Variants in KIF26B observed in about 807,000 individuals in gnomAD.
The protein encoded by KIF26B is kinesin-like protein KIF26B.
A neutral mutation model predicts 151.2 loss-of-function variants in KIF26B; 63 were observed. The observed-to-expected ratio is 0.42, with a 90% confidence interval of 0.34 to 0.51. The LOEUF (loss-of-function observed/expected upper bound fraction) is 0.51. KIF26B is among the 20% of genes least tolerant of loss of function. The probability of loss-of-function intolerance (pLI) is 0.07; values close to 1 mark genes in which losing one functional copy is unlikely to be tolerated. For missense variants in KIF26B, 2,813 were observed against 2,913.6 expected, an observed-to-expected ratio of 0.97 and a Z score of 0.79; for synonymous variants, 1,357 against 1,262.1, an observed-to-expected ratio of 1.08 and a Z score of -1.59.
chr1:245,565,490 A>G (rs1450017910), intron 5 of KIF26B, among the ~76,000 whole-genome samples: 2 of 152,034 alleles, frequency 1.3e-5, no homozygotes, highest in Non-Finnish European at 2.9e-5. Flanking sequence ...GGGTCTCACT[A>G]CGTTGGCCAG....
At position 245,367,418 on chromosome 1, in the gene KIF26B, G is replaced by A. The variant is rs547845342; in HGVS notation, c.999+51G>A. 34 of 1,482,592 alleles carry A rather than the reference G, an allele frequency of 2.3e-5. No homozygotes were observed. The highest frequency in any genetic ancestry group is 4.2e-5 in the Admixed American group (2 of 48,112). 91.8% of individuals were successfully genotyped at this position (1,482,592 alleles called of 1,614,324 possible). On this transcript the variant is annotated intron_variant, in intron 3 of 14. Coordinates refer to ENST00000407071, the MANE Select transcript of KIF26B (RefSeq NM_018012.4). This position sits in a 1 kb window ranked among gnomAD's most constrained non-coding sequence, Gnocchi z 4.2. The stretch of plus-strand genomic sequence containing the variant: ...GAGCAGGGCTGGCTGGAGTCAAAGC[G>A]GAGAAGTAGGCAGCACTTCCTTCCG...
chr1:245,641,852 C>T (rs1177445107), intron 9 of KIF26B, among the ~76,000 whole-genome samples: 1 of 152,082 alleles, frequency 6.6e-6, no homozygotes, highest in African/African-American at 2.4e-5. Context: ...CATCATATTT[C>T]CCTGAATGTT....
At chr1:245,163,898 C>T (rs1263816502) in intron 2 of KIF26B, among the ~76,000 whole-genome samples, 1 of 152,098 alleles carries the variant, frequency 6.6e-6, no homozygotes, top group African/African-American at 2.4e-5. Context: ...AATTGGTACT[C>T]TTGGATTTTC....
intron 2 of KIF26B, among the ~76,000 whole-genome samples, chr1:245,342,003 A>G (rs947879161): frequency 6.6e-6 from 1 of 152,244 alleles, no homozygotes; most frequent in African/African-American, 2.4e-5. Flanking sequence ...TTCTCAGACC[A>G]CATACCAAGT....
intron 5 of KIF26B, among the ~76,000 whole-genome samples, chr1:245,550,424 C>T (rs1361446192): frequency 1.3e-5 from 2 of 152,242 alleles, no homozygotes; most frequent in Non-Finnish European, 2.9e-5. Flanking sequence ...TTGCCTGCTC[C>T]GTCCTGGCTG....
intron 3 of KIF26B, among the ~76,000 whole-genome samples, chr1:245,410,406 A>T (rs1211074951): frequency 6.6e-6 from 1 of 152,208 alleles, no homozygotes; most frequent in Admixed American, 6.5e-5. Flanking sequence ...CACGTGGAAC[A>T]AGTTGAGAAC....
chr1:245,703,973 C>A lies in KIF26B; in HGVS notation c.*1367C>A, dbSNP rs1377122349. 6.6e-6 allele frequency: 1 copy of A among 152,260 alleles called. No individual in the cohort carries two copies. Among genetic ancestry groups the A allele is most frequent in the Non-Finnish European group, 1.5e-5 (1 of 68,056 alleles). 9.4% of individuals were successfully genotyped at this position (152,260 alleles called of 1,614,324 possible). A position where few individuals can be genotyped will look rare whatever the true frequency, so the allele number is the denominator to read the frequency against. On this transcript the variant is annotated 3_prime_UTR_variant, in exon 15 of 15. Coordinates refer to ENST00000407071, the MANE Select transcript of KIF26B (RefSeq NM_018012.4). ...AGCTGAAGACTATGGATGTCCAGGT[C>A]TTGGCTCCCAACAACTCAGGACCTC...
chr1:245,438,705 A>G (rs1658991919), intron 4 of KIF26B, among the ~76,000 whole-genome samples: 1 of 152,188 alleles, frequency 6.6e-6, no homozygotes, highest in Non-Finnish European at 1.5e-5. Context: ...TCAGTGAGAT[A>G]CTCTTCAGAA....
At chr1:245,283,081 A>AG (rs1671092365) in intron 2 of KIF26B, 2 of 170,544 alleles carry the variant, frequency 1.2e-5, no homozygotes, top group African/African-American at 4.8e-5. Flanking sequence ...GCTACCACCT[A>AG]CTAGCCATGG....
chr1:245,424,773 G>T (rs548906727), intron 4 of KIF26B, among the ~76,000 whole-genome samples: 2 of 148,244 alleles, frequency 1.3e-5, no homozygotes, highest in Non-Finnish European at 3.0e-5. Context: ...AGAAGTAAAA[G>T]AAAAATTGGT....
chr1:245,499,940 T>G (rs1660586931), intron 4 of KIF26B, among the ~76,000 whole-genome samples: 2 of 152,236 alleles, frequency 1.3e-5, no homozygotes, highest in African/African-American at 4.8e-5. Context: ...AGGAATTTGC[T>G]GAGGGTTGGG....
Position 245,155,317 on chromosome 1 carries a change from G to A in KIF26B, c.-108G>A. The A allele has an allele frequency of 2.3e-6, 2 of 876,072 alleles. No individual in the cohort carries two copies. Among genetic ancestry groups the A allele is most frequent in the Admixed American group, 2.3e-5 (1 of 42,616 alleles). The allele number at this position is 876,072 out of a possible 1,614,324, so 54.3% of individuals were successfully genotyped here. On this transcript the variant is annotated 5_prime_UTR_variant, in exon 1 of 15. Transcript: ENST00000407071. Reference sequence around the variant, plus strand: ...CCCACCGCTGAAGAAACCTTGCCCTGAGGGCTGAGAGCCAGCCCCCTGCAG... The same window carrying A: ...CCCACCGCTGAAGAAACCTTGCCCTAAGGGCTGAGAGCCAGCCCCCTGCAG...
chr1:245,234,626 A>G (rs1670068977), intron 2 of KIF26B: 1 of 152,452 alleles, frequency 6.6e-6, no homozygotes, highest in South Asian at 2.1e-4. Context: ...TGGGCCCGCA[A>G]TTTGGCCTCC....
rs574749958 is a variant in KIF26B, at chr1:245,558,407, C to G, written c.1350+17457C>G. ...TCTCACCTTCGGGCCTTTGACCTGC[C>G]CGGGCAGGGCCCTCCCCATCTTCCT... On this transcript the variant is annotated intron_variant, in intron 5 of 14. Transcript: ENST00000407071. 7.2e-5 allele frequency among the ~76,000 whole-genome samples: 11 copies of G among 152,324 alleles called. No homozygotes were observed. In the South Asian group the frequency reaches 2.1e-3, roughly 29 times the overall value.
chr1:245,698,983 C>T lies in KIF26B; in HGVS notation c.6124C>T (p.Leu2042=), dbSNP rs1158912680. ...RAKYEWLMKE[L]EATKQYLMLD... Reference sequence around the variant, plus strand: ...GAAGTACGAGTGGCTGATGAAGGAGCTGGAGGCGACCAAACAGTATCTGAT... The same window carrying T: ...GAAGTACGAGTGGCTGATGAAGGAGTTGGAGGCGACCAAACAGTATCTGAT... The change falls in exon 14 of 15, where the codon CTG becomes TTG. Residue 2042 remains leucine, a synonymous_variant. Coordinates refer to ENST00000407071, the MANE Select transcript of KIF26B (RefSeq NM_018012.4). This position sits in a 1 kb window ranked among gnomAD's most constrained non-coding sequence, Gnocchi z 4.0. The T allele has an allele frequency of 6.2e-7, 1 of 1,614,028 alleles. No homozygotes were observed. The highest frequency in any genetic ancestry group is 8.5e-7 in the Non-Finnish European group (1 of 1,179,890).
intron 14 of KIF26B, among the ~76,000 whole-genome samples, chr1:245,699,438 C>T (rs2044739154): frequency 6.7e-6 from 1 of 150,116 alleles, no homozygotes; most frequent in South Asian, 2.1e-4. Context: ...GTAGAGTGTA[C>T]AGTCCTCGAA....
In KIF26B at chr1:245,170,043, GA is replaced by G. The variant is rs1012045060; in HGVS notation, c.465+13370del. ...GTACCAAGTAGATTTCTGGTGTTTT[GA>G]AAAAAAAAATCACCCGTCCACTGCT... On this transcript the variant is annotated intron_variant, in intron 2 of 14. Coordinates refer to ENST00000407071, the MANE Select transcript of KIF26B (RefSeq NM_018012.4). This position sits in a 1 kb window ranked among gnomAD's most constrained non-coding sequence, Gnocchi z 4.4. Among the ~76,000 whole-genome samples the G allele has an allele frequency of 8.0e-5, 12 of 149,706 alleles. No individual in the cohort carries two copies. The highest frequency in any genetic ancestry group is 3.4e-3 in the Middle Eastern group (1 of 292).
intron 3 of KIF26B, among the ~76,000 whole-genome samples, chr1:245,404,641 C>T (rs1313269962): frequency 6.6e-6 from 1 of 152,136 alleles, no homozygotes; most frequent in East Asian, 1.9e-4. Flanking sequence ...GAAATTTGAG[C>T]AGAACCACCA....
intron 2 of KIF26B, among the ~76,000 whole-genome samples, chr1:245,282,214 T>C (rs1349526216): frequency 2.0e-5 from 3 of 152,070 alleles, no homozygotes; most frequent in Non-Finnish European, 2.9e-5. Flanking sequence ...AAGCTACCAA[T>C]GACTTTCTTC....
Sources: gnomAD v4.1 joint callset for allele counts (sites outside exome capture counted in the v4.1 genomes callset) on GRCh38, gnomAD v4.1.1 for gene constraint, Gnocchi (gnomAD v3.1) non-coding constraint, MANE v1.5 for transcripts, NCBI Gene and HGNC (gene_info 2026-07-23, HGNC 2026-07-21) for gene names.